ANO4: variants seen among roughly 807,000 people sequenced by gnomAD.
ANO4 encodes the protein anoctamin 4.
In ANO4, 69 loss-of-function variants were observed where a neutral mutation model predicts 141.9. The observed-to-expected ratio is 0.49, with a 90% CI of 0.40 to 0.59. ANO4 has a LOEUF of 0.59. ANO4 is among the 20% of genes least tolerant of loss of function. ANO4 has a pLI of 0.00. For synonymous variants in ANO4, 350 were observed against 394.3 expected (o/e 0.89, Z 1.33); for missense variants, 894 against 1,162.2 (o/e 0.77, Z 3.36).
chr12:100,948,126 G>A (rs1031464174), intron 5 of ANO4, among the ~76,000 whole-genome samples: 12 of 139,264 alleles, frequency 8.6e-5, no homozygotes, highest in Non-Finnish European at 7.5e-5. Context: ...ACTGCAGCCT[G>A]GGTGACAGAG....
intron 3 of ANO4, among the ~76,000 whole-genome samples, chr12:100,927,531 T>C (rs2041922758): frequency 6.6e-6 from 1 of 152,136 alleles, no homozygotes; most frequent in Non-Finnish European, 1.5e-5. Flanking sequence ...AAATATTTCC[T>C]TCTGAAACTT....
intron 14 of ANO4, among the ~76,000 whole-genome samples, chr12:101,074,900 C>T (rs2048961406): frequency 3.3e-5 from 5 of 152,088 alleles, no homozygotes; most frequent in South Asian, 2.1e-4. Flanking sequence ...AGCCTCTCTG[C>T]GTGCCAGTTG....
intron 14 of ANO4, among the ~76,000 whole-genome samples, chr12:101,060,322 A>T (rs1394616292): frequency 6.6e-6 from 1 of 152,194 alleles, no homozygotes; most frequent in East Asian, 1.9e-4. Flanking sequence ...TTTTAGAATA[A>T]GTGCAATGTA....
At chr12:100,999,864 G>A (rs2045560739) in intron 8 of ANO4, among the ~76,000 whole-genome samples, 1 of 150,670 alleles carries the variant, frequency 6.6e-6, no homozygotes, top group South Asian at 2.1e-4. Flanking sequence ...GGCCAACATT[G>A]TGAAACCCCC....
intron 22 of ANO4, among the ~76,000 whole-genome samples, chr12:101,105,043 A>G (rs2050386002): frequency 6.6e-6 from 1 of 152,132 alleles, no homozygotes; most frequent in Admixed American, 6.6e-5. Context: ...CACTTTGAGG[A>G]TATGATGGGC....
chr12:101,066,485 G>C (rs1171409713), intron 14 of ANO4, among the ~76,000 whole-genome samples: 1 of 152,174 alleles, frequency 6.6e-6, no homozygotes, highest in East Asian at 1.9e-4. Flanking sequence ...TGAAAAAGAA[G>C]TCAAGAAAGT....
At chr12:100,810,766 G>A (rs1387498222) in intron 1 of ANO4, among the ~76,000 whole-genome samples, 1 of 152,126 alleles carries the variant, frequency 6.6e-6, no homozygotes, top group South Asian at 2.1e-4. Context: ...TATTTTAAAG[G>A]GAGATGAGGG....
intron 1 of ANO4, among the ~76,000 whole-genome samples, chr12:100,826,292 G>GA (rs921840128): frequency 1.1e-4 from 5 of 45,552 alleles, no homozygotes; most frequent in Non-Finnish European, 2.2e-4. Context: ...ATGGAATTGA[G>GA]AAAAAAAGAT....
At chr12:100,978,090 C>T (rs1290645632) in intron 7 of ANO4, among the ~76,000 whole-genome samples, 1 of 152,188 alleles carries the variant, frequency 6.6e-6, no homozygotes, top group Non-Finnish European at 1.5e-5. Flanking sequence ...TCCTATGGCC[C>T]CATCACCCTG....
intron 1 of ANO4, among the ~76,000 whole-genome samples, chr12:100,809,484 A>G (rs913295674): frequency 6.6e-6 from 1 of 152,142 alleles, no homozygotes; most frequent in African/African-American, 2.4e-5. Flanking sequence ...GGGGCAATCA[A>G]AGAAGGCTTT....
intron 3 of ANO4, among the ~76,000 whole-genome samples, chr12:100,746,520 A>C (rs1288161048): frequency 6.6e-6 from 1 of 152,178 alleles, no homozygotes; most frequent in Non-Finnish European, 1.5e-5. Context: ...ATAAAAATTC[A>C]AAAGATCCCA....
intron 9 of ANO4, among the ~76,000 whole-genome samples, chr12:101,024,863 C>T (rs1399481186): frequency 6.6e-6 from 1 of 152,160 alleles, no homozygotes; most frequent in Admixed American, 6.5e-5. Flanking sequence ...CATCTTAAAA[C>T]ATATTAATGT....
In ANO4 at chr12:100,739,896, G is replaced by A. The variant is rs2031787604; in HGVS notation, c.149G>A (p.Trp50Ter). 9 of 702,544 alleles carry A rather than the reference G, an allele frequency of 1.3e-5. No homozygotes were observed. Among genetic ancestry groups the A allele is most frequent in the East Asian group, 1.1e-4 (4 of 37,270 alleles). The allele number at this position is 702,544 out of a possible 1,614,324, so 43.5% of individuals were successfully genotyped here. Residue 50 changes from tryptophan to a stop codon, truncating the protein, a stop_gained, in exon 3 of 30, where the codon TGG becomes TAG. Transcript: ENST00000644049. LOFTEE classifies it high-confidence loss of function. ...CCTGTGGCAATTGGGCTTACCCACT[G>A]GAAAAATCCATACGTACAAGGCAGA...
chr12:101,027,757 G>T (rs918230665), intron 9 of ANO4, among the ~76,000 whole-genome samples: 5 of 152,158 alleles, frequency 3.3e-5, no homozygotes, highest in African/African-American at 1.2e-4. Flanking sequence ...TGCAGTCTCT[G>T]CAGACCAGCA....
intron 15 of ANO4, 76 bp downstream of exon 15, chr12:101,079,351 C>T (rs954971811): frequency 2.1e-5 from 26 of 1,251,050 alleles, no homozygotes; most frequent in African/African-American, 1.1e-4. Context: ...AAAATTGTCA[C>T]TCTCTGTTCT....
intron 5 of ANO4, among the ~76,000 whole-genome samples, chr12:100,953,361 A>G (rs2043050408): frequency 6.6e-6 from 1 of 152,234 alleles, no homozygotes; most frequent in Non-Finnish European, 1.5e-5. Flanking sequence ...TAACCCTTAC[A>G]AGTGAAAAAT....
chr12:100,727,034 G>T (rs968153635), intron 1 of ANO4, among the ~76,000 whole-genome samples: 1 of 150,314 alleles, frequency 6.7e-6, no homozygotes, highest in Non-Finnish European at 1.5e-5. Flanking sequence ...GAAAAACATG[G>T]CCTGTAATGA....
intron 10 of ANO4, chr12:101,038,690 G>A (rs1310248808): frequency 6.6e-6 from 1 of 152,144 alleles, no homozygotes. Flanking sequence ...TTTAGAGAAA[G>A]GTGAAACCTC....
At chr12:100,972,960 C>A (rs1592887413) in intron 6 of ANO4, among the ~76,000 whole-genome samples, 1 of 152,204 alleles carries the variant, frequency 6.6e-6, no homozygotes, top group Admixed American at 6.5e-5. Flanking sequence ...CTTCTGCATG[C>A]CTACTACACA....
Sources: allele counts gnomAD v4.1 joint callset (sites outside exome capture counted in the v4.1 genomes callset), GRCh38; gene constraint gnomAD v4.1.1; transcripts MANE v1.5; gene names NCBI Gene and HGNC (gene_info 2026-07-23, HGNC 2026-07-21).